ITPKC: variants seen among roughly 807,000 people sequenced by gnomAD.
The protein encoded by ITPKC is inositol-trisphosphate 3-kinase C.
A neutral mutation model predicts 67.1 loss-of-function variants in ITPKC; 33 were observed. The observed-to-expected ratio is 0.49, with a 90% CI of 0.37 to 0.66. The LOEUF (loss-of-function observed/expected upper bound fraction) is 0.66. ITPKC is among the 30% of genes least tolerant of loss of function. The pLI is 0.00. For missense variants in ITPKC, 820 were observed against 892.1 expected, an observed-to-expected ratio of 0.92 and a Z score of 1.03; for synonymous variants, 341 against 359.8, an observed-to-expected ratio of 0.95 and a Z score of 0.59.
chr19:40,728,187 T>C (rs2082254856), intron 2 of ITPKC, among the ~76,000 whole-genome samples: 1 of 151,722 alleles, frequency 6.6e-6, no homozygotes, highest in Non-Finnish European at 1.5e-5. Context: ...CTGGGCATCA[T>C]AGCAACACTA....
intron 6 of ITPKC, among the ~76,000 whole-genome samples, chr19:40,738,734 G>A (rs1426864193): frequency 6.6e-6 from 1 of 152,174 alleles, no homozygotes; most frequent in Non-Finnish European, 1.5e-5. Context: ...ACTTAATGTA[G>A]ATTAATTCCT....
chr19:40,726,922 G>A (rs2082248678), intron 2 of ITPKC, among the ~76,000 whole-genome samples: 1 of 151,768 alleles, frequency 6.6e-6, no homozygotes, highest in Admixed American at 6.6e-5. Context: ...TGCACCTGTG[G>A]TCCCAGGTAC....
At chr19:40,730,998 AGTTC>A (rs1379260587) in intron 3 of ITPKC, among the ~76,000 whole-genome samples, 2 of 151,250 alleles carry the variant, frequency 1.3e-5, no homozygotes, top group East Asian at 2.0e-4. Context: ...ACCAGTCATA[AGTTC>A]AGGCCTTCGA....
chr19:40,734,711 C>T (rs180697485), intron 4 of ITPKC, among the ~76,000 whole-genome samples: 25 of 151,452 alleles, frequency 1.7e-4, no homozygotes, highest in East Asian at 1.4e-3. Flanking sequence ...TGGGTTCAAG[C>T]GATTCTCCCA....
intron 1 of ITPKC, among the ~76,000 whole-genome samples, chr19:40,719,745 C>A (rs940464498): frequency 6.6e-6 from 1 of 152,104 alleles, no homozygotes; most frequent in Non-Finnish European, 1.5e-5. Flanking sequence ...CCCGCCTCAG[C>A]CTCCCGAAGT....
chr19:40,726,955 T>C (rs2082248782), intron 2 of ITPKC, among the ~76,000 whole-genome samples: 1 of 151,902 alleles, frequency 6.6e-6, no homozygotes. Flanking sequence ...GGTGGGAAGA[T>C]CACTTGAGTC....
intron 3 of ITPKC, among the ~76,000 whole-genome samples, chr19:40,731,154 C>T (rs1012997512): frequency 1.3e-5 from 2 of 152,300 alleles, no homozygotes; most frequent in African/African-American, 4.8e-5. Context: ...TCCCCAACCC[C>T]TGGGCCGCAG....
chr19:40,719,741 T>G (rs887505066), intron 1 of ITPKC, among the ~76,000 whole-genome samples: 2 of 152,080 alleles, frequency 1.3e-5, no homozygotes, highest in African/African-American at 4.8e-5. Context: ...TCCACCCGCC[T>G]CAGCCTCCCG....
intron 1 of ITPKC, among the ~76,000 whole-genome samples, chr19:40,719,942 C>CT (rs960899182): frequency 6.3e-4 from 91 of 143,844 alleles, no homozygotes; most frequent in African/African-American, 9.4e-4. Context: ...GTTTTTTCTT[C>CT]TTTTTTTTTT....
chr19:40,717,221 C>T lies in ITPKC; in HGVS notation c.86C>T (p.Pro29Leu). The T allele has an allele frequency of 8.1e-7, 1 of 1,237,414 alleles. No homozygotes were observed. The highest frequency in any genetic ancestry group is 3.9e-5 in the South Asian group (1 of 25,394). The allele number at this position is 1,237,414 out of a possible 1,614,324, so 76.7% of individuals were successfully genotyped here. A position where few individuals can be genotyped will look rare whatever the true frequency, so the allele number is the denominator to read the frequency against. ...PAAARMGLEA[P>L]RGGRRRQPGQ... ...GCGGCCCGCATGGGACTGGAGGCGC[C>T]GCGAGGAGGGCGGCGGCGGCAGCCG... The change falls in exon 1 of 7, where the codon CCG becomes CTG. Residue 29 changes from proline (P) to leucine (L), a missense_variant. Around this residue, in one of 2 missense-constraint regions of ITPKC, gnomAD observed 481 missense variants for 470.1 expected, o/e 1.02. Coordinates refer to ENST00000263370, the MANE Select transcript of ITPKC (RefSeq NM_025194.3).
intron 1 of ITPKC, among the ~76,000 whole-genome samples, chr19:40,721,331 C>T (rs535754842): frequency 3.3e-5 from 5 of 151,486 alleles, no homozygotes; most frequent in East Asian, 1.9e-4. Context: ...GAAAAAAATC[C>T]GAGAAAGCCC....
intron 1 of ITPKC, among the ~76,000 whole-genome samples, chr19:40,719,704 G>C (rs1392025183): frequency 6.6e-6 from 1 of 151,874 alleles, no homozygotes; most frequent in Admixed American, 6.6e-5. Flanking sequence ...TGGCCAGGCT[G>C]ACCTCAAGAC....
chr19:40,738,439 A>G (rs1355462346), intron 6 of ITPKC, among the ~76,000 whole-genome samples: 1 of 151,430 alleles, frequency 6.6e-6, no homozygotes. Flanking sequence ...AACAACAACA[A>G]CAACAACAAC....
rs2082196528 is a variant in ITPKC at position 40,717,561 on chromosome 19, A to T, written c.426A>T (p.Thr142=). The change falls in exon 1 of 7, where the codon ACA becomes ACT. Residue 142 remains threonine, a synonymous_variant. Coordinates refer to ENST00000263370, the MANE Select transcript of ITPKC (RefSeq NM_025194.3). The part of the protein sequence containing the change: ...ETTCLWTETG[T]DGLWTDPHRS... ...CTTGTCTTTGGACGGAGACCGGGACAGATGGCCTTTGGACTGATCCGCACA... is the reference window on the plus strand; with the variant it reads ...CTTGTCTTTGGACGGAGACCGGGACTGATGGCCTTTGGACTGATCCGCACA... 6 of 1,614,054 alleles carry T rather than the reference A, an allele frequency of 3.7e-6. No individual in the cohort carries two copies. The highest frequency in any genetic ancestry group is 5.1e-6 in the Non-Finnish European group (6 of 1,180,014).
intron 1 of ITPKC, among the ~76,000 whole-genome samples, chr19:40,718,569 C>T (rs927796851): frequency 6.6e-6 from 1 of 152,142 alleles, no homozygotes; most frequent in Non-Finnish European, 1.5e-5. Context: ...GGCCCAGGAA[C>T]CCCTGAAATT....
intron 1 of ITPKC, 102 bp downstream of exon 1, chr19:40,718,392 C>G (rs1048447715): frequency 7.1e-7 from 1 of 1,406,670 alleles, no homozygotes; most frequent in Non-Finnish European, 9.3e-7. Flanking sequence ...TAGTTGCCCA[C>G]CAGCAATTTC....
chr19:40,724,984 G>T (rs1056239956), intron 1 of ITPKC, among the ~76,000 whole-genome samples: 2 of 151,184 alleles, frequency 1.3e-5, no homozygotes, highest in Non-Finnish European at 2.9e-5. Flanking sequence ...AACTGTGTAT[G>T]TGCAGTGGAA....
chr19:40,729,769 A>G (rs1042340971), intron 3 of ITPKC, among the ~76,000 whole-genome samples: 3 of 145,916 alleles, frequency 2.1e-5, no homozygotes, highest in Non-Finnish European at 4.6e-5. Flanking sequence ...CCCTGTCTCA[A>G]AAAAAAGAAA....
At chr19:40,723,573 C>T (rs975470109) in intron 1 of ITPKC, among the ~76,000 whole-genome samples, 143 of 151,576 alleles carry the variant, frequency 9.4e-4, no homozygotes, top group African/African-American at 3.2e-3. Flanking sequence ...CTTGGCTCAC[C>T]GCAACCTCTG....
Sources: gnomAD v4.1 joint callset for allele counts (sites outside exome capture counted in the v4.1 genomes callset) on GRCh38, gnomAD v4.1.1 for gene constraint, gnomAD v4.1.1 regional missense constraint, MANE v1.5 for transcripts, NCBI Gene and HGNC (gene_info 2026-07-23, HGNC 2026-07-21) for gene names.